Variants in ZNF197 observed in about 807,000 individuals in gnomAD.
ZNF197 encodes the protein zinc finger protein 197, also known as VHL-associated KRAB-A domain-containing protein.
Under a neutral mutation model 27.4 loss-of-function variants are expected in ZNF197, and 14 were observed. The ratio of observed to expected loss-of-function variants is 0.51; its 90% CI spans 0.34 to 0.80. The LOEUF is 0.80. ZNF197 is among the 30% of genes least tolerant of loss of function. ZNF197 has a pLI of 0.02. For synonymous variants in ZNF197, 415 were observed against 420.0 expected (o/e 0.99, Z 0.15); for missense variants, 1,090 against 1,222.6 (o/e 0.89, Z 1.62).
In ZNF197 at chr3:44,631,224, A is replaced by G; in HGVS notation, c.550+3A>G. 1 of 1,613,848 alleles carries G rather than the reference A, an allele frequency of 6.2e-7. No homozygotes were observed. The highest frequency in any genetic ancestry group is 1.1e-5 in the South Asian group (1 of 91,062). ...CAACCTCCAGGATCCTCAGCATGGT[A>G]TTTACTCAGTGCTCTGGGTTTTGGG... is the stretch of plus-strand genomic sequence containing the variant. On this transcript the variant is annotated splice_donor_region_variant and intron_variant, in intron 3 of 5. Transcript: ENST00000344387.
chr3:44,641,876 T>C, intron 5 of ZNF197, 24 bp from the exon 6 acceptor site: 1 of 1,547,936 alleles, frequency 6.5e-7, no homozygotes, highest in South Asian at 1.3e-5. Flanking sequence ...TGGTAACATT[T>C]GCATTTTTAA....
intron 5 of ZNF197, among the ~76,000 whole-genome samples, chr3:44,637,693 C>G (rs1702375637): frequency 6.6e-6 from 1 of 151,966 alleles, no homozygotes; most frequent in Admixed American, 6.6e-5. Flanking sequence ...ACCATTTATC[C>G]CAGGCACCAT....
At chr3:44,628,257 G>C (rs1313800049) in intron 1 of ZNF197, among the ~76,000 whole-genome samples, 1 of 152,114 alleles carries the variant, frequency 6.6e-6, no homozygotes, top group Non-Finnish European at 1.5e-5. Context: ...GGTTTTGTGT[G>C]TTTTCTGGTT....
In ZNF197 at chr3:44,644,844, A is replaced by C. The variant is rs537204039; in HGVS notation, c.*624A>C. The C allele has an allele frequency of 2.5e-5, 24 of 961,076 alleles. No homozygotes were observed. The highest frequency in any genetic ancestry group is 1.1e-3 in the Middle Eastern group (2 of 1,850). 59.5% of individuals were successfully genotyped at this position (961,076 alleles called of 1,614,324 possible). On this transcript the variant is annotated 3_prime_UTR_variant, in exon 6 of 6. Coordinates refer to ENST00000344387, the MANE Select transcript of ZNF197 (RefSeq NM_006991.5). Reference sequence around the variant, plus strand: ...AGACAAGCCTGGGTAACACGGGGAGACCCGTCTTTAGTAAATAAAAATAAA... The same window carrying C: ...AGACAAGCCTGGGTAACACGGGGAGCCCCGTCTTTAGTAAATAAAAATAAA...
Position 44,646,583 on chromosome 3 carries a change from C to G in ZNF197, c.*2363C>G. 1.1e-6 allele frequency: 1 copy of G among 942,154 alleles called. No homozygotes were observed. The highest frequency in any genetic ancestry group is 1.7e-6 in the Non-Finnish European group (1 of 572,072). The allele number at this position is 942,154 out of a possible 1,614,324, so 58.4% of individuals were successfully genotyped here. ...GTGGAATATTGCATAAGAAAGCTGC[C>G]CTGGATTCTTCAAAATATTATTATG... On this transcript the variant is annotated 3_prime_UTR_variant, in exon 6 of 6. Transcript: ENST00000344387.
At chr3:44,632,014 A>T in intron 3 of ZNF197, 91 bp from the exon 4 acceptor site, 1 of 1,156,222 alleles carries the variant, frequency 8.6e-7, no homozygotes, top group Non-Finnish European at 1.3e-6. Context: ...TATCATTCTT[A>T]CTGCTACTCT....
At position 44,643,051 on chromosome 3, in the gene ZNF197, CAG is replaced by C. The variant is rs1171065320; in HGVS notation, c.1925_1926del (p.Arg642ThrfsTer9). On this transcript the variant is annotated frameshift_variant, in exon 6 of 6. Transcript: ENST00000344387. LOFTEE classifies it low-confidence loss of function (END_TRUNC). Reference protein sequence around the residue: ...FTQSAYLFDHQRLHNGEKPYE... With the variant: ...FTQSAYLFDHXRLHNGEKPYE... Reference sequence around the variant, plus strand: ...TCAAAGTGCTTACCTTTTTGACCACCAGAGACTCCACAATGGGGAGAAGCCCT... The same window carrying C: ...TCAAAGTGCTTACCTTTTTGACCACCAGACTCCACAATGGGGAGAAGCCCT... The C allele has an allele frequency of 6.2e-7, 1 of 1,614,038 alleles. No individual in the cohort carries two copies. The highest frequency in any genetic ancestry group is 2.2e-5 in the East Asian group (1 of 44,872).
At chr3:44,632,721 C>T (rs1702081792) in intron 5 of ZNF197, 122 bp downstream of exon 5, 1 of 1,176,662 alleles carries the variant, frequency 8.5e-7, no homozygotes, top group Admixed American at 2.9e-5. Context: ...AGAAAAAAAC[C>T]TTCCTTAACA....
intron 2 of ZNF197, chr3:44,630,738 A>C (rs1701941007): frequency 2.2e-6 from 1 of 451,096 alleles, no homozygotes; most frequent in African/African-American, 2.0e-5. Context: ...CCGATCTAAA[A>C]CTTAAGTCTG....
In ZNF197 at chr3:44,645,095, C is replaced by CGAAA. The variant is rs1702882798; in HGVS notation, c.*875_*876insGAAA. The stretch of plus-strand genomic sequence containing the variant: ...GACCTACCTTTGATTCCTGGCTTTC[C>CGAAA]CTTAATGGCCATGTGATGTTATTAA... On this transcript the variant is annotated 3_prime_UTR_variant, in exon 6 of 6. Transcript: ENST00000344387. 1.0e-6 allele frequency: 1 copy of CGAAA among 980,546 alleles called. No homozygotes were observed. Among genetic ancestry groups the CGAAA allele is most frequent in the African/African-American group, 1.8e-5 (1 of 57,068 alleles). 60.7% of individuals were successfully genotyped at this position (980,546 alleles called of 1,614,324 possible). A position where few individuals can be genotyped will look rare whatever the true frequency, so the allele number is the denominator to read the frequency against.
In ZNF197 at chr3:44,642,058, T is replaced by A. The variant is rs1702635531; in HGVS notation, c.928T>A (p.Trp310Arg). Residue 310 changes from tryptophan (W) to arginine (R), a missense_variant, in exon 6 of 6, where the codon TGG becomes AGG. By Grantham distance (101) the Trp-to-Arg change is moderately radical. Coordinates refer to ENST00000344387, the MANE Select transcript of ZNF197 (RefSeq NM_006991.5). ...TGAATGGCAAGTTTTGGCAAGTCAG[T>A]GGGGAAATGAAACAGATGAAAGGGC... is the stretch of plus-strand genomic sequence containing the variant. ...ECEWQVLASQWGNETDERADT... is the reference protein window; with the variant it reads ...ECEWQVLASQRGNETDERADT... 11 of 1,614,010 alleles carry A rather than the reference T, an allele frequency of 6.8e-6. No homozygotes were observed. The highest frequency in any genetic ancestry group is 9.3e-6 in the Non-Finnish European group (11 of 1,179,984).
intron 3 of ZNF197, among the ~76,000 whole-genome samples, chr3:44,631,699 C>T (rs1702013953): frequency 6.7e-6 from 1 of 150,054 alleles, no homozygotes. Context: ...CTGCACCCGG[C>T]CATTTTTGTT....
rs1373165285 is a variant in ZNF197 at position 44,644,880 on chromosome 3, A to C, written c.*660A>C. 3.1e-6 allele frequency: 3 copies of C among 966,044 alleles called. No homozygotes were observed. The African/African-American group carries it at 5.3e-5, about 17-fold the overall frequency. The allele number at this position is 966,044 out of a possible 1,614,324, so 59.8% of individuals were successfully genotyped here. ...GTAAATAAAAATAAATTTATTAATA[A>C]AACTAAAAATTTAATAATAAAAAGT... is the stretch of plus-strand genomic sequence containing the variant. On this transcript the variant is annotated 3_prime_UTR_variant, in exon 6 of 6. Transcript: ENST00000344387.
chr3:44,640,763 G>A lies in ZNF197; in HGVS notation c.770-1137G>A, dbSNP rs1702555093. 6.6e-6 allele frequency among the ~76,000 whole-genome samples: 1 copy of A among 152,216 alleles called. No homozygotes were observed. Among genetic ancestry groups the A allele is most frequent in the African/African-American group, 2.4e-5 (1 of 41,446 alleles). ...CTTAAGACACATACCCATCCCTGCA[G>A]CCAGGTGGTTGGGTAGTGTGACTGG... On this transcript the variant is annotated intron_variant, in intron 5 of 5. Coordinates refer to ENST00000344387, the MANE Select transcript of ZNF197 (RefSeq NM_006991.5). The surrounding 1 kb of genome is among the most constrained non-coding windows in gnomAD (Gnocchi z 4.0).
chr3:44,643,907 G>A lies in ZNF197; in HGVS notation c.2777G>A (p.Gly926Glu), dbSNP rs1702788003. The change falls in exon 6 of 6, where the codon GGG (glycine) becomes GAG (glutamate). Residue 926 changes from glycine to glutamate, a missense_variant. By Grantham distance (98) the Gly-to-Glu change is moderately conservative. Transcript: ENST00000344387. ...NLVVHQRMHT[G>E]EKPYECDKCR... is the part of the protein sequence containing the mutation. ...GTTGTACATCAGAGAATGCACACTG[G>A]GGAAAAACCTTATGAGTGTGACAAG... The A allele has an allele frequency of 6.2e-7, 1 of 1,613,820 alleles. No individual in the cohort carries two copies.
intron 5 of ZNF197, among the ~76,000 whole-genome samples, chr3:44,633,804 G>T (rs2125804830): frequency 6.6e-6 from 1 of 152,140 alleles, no homozygotes; most frequent in East Asian, 1.9e-4. Context: ...CATATTTCTG[G>T]TAATATTTAT....
intron 1 of ZNF197, among the ~76,000 whole-genome samples, chr3:44,625,874 G>C (rs1344953646): frequency 6.6e-6 from 1 of 152,006 alleles, no homozygotes; most frequent in African/African-American, 2.4e-5. Context: ...ACTGGTGTTT[G>C]GAAACTGTTG....
At chr3:44,627,549 A>G (rs1701742988) in intron 1 of ZNF197, among the ~76,000 whole-genome samples, 1 of 152,098 alleles carries the variant, frequency 6.6e-6, no homozygotes, top group Non-Finnish European at 1.5e-5. Context: ...AGTACCTTTC[A>G]TGGCTGGGTA....
In ZNF197 at chr3:44,642,291, C is replaced by G. The variant is rs772508103; in HGVS notation, c.1161C>G (p.Asn387Lys). 37 of 1,613,914 alleles carry G rather than the reference C, an allele frequency of 2.3e-5. No individual in the cohort carries two copies. Among genetic ancestry groups the G allele is most frequent in the Admixed American group, 1.7e-5 (1 of 59,980 alleles). Residue 387 changes from asparagine to lysine, a missense_variant, in exon 6 of 6, where the codon AAC (asparagine) becomes AAG (lysine). Physicochemically the swap from Asn to Lys is moderately conservative, Grantham distance 94 (BLOSUM62 0). Coordinates refer to ENST00000344387, the MANE Select transcript of ZNF197 (RefSeq NM_006991.5). ...TTAATAAAATCTCCCATCTTATAAA[C>G]CATCGGAGAATCCACACTGGTGAGA... ...KHFNKISHLI[N>K]HRRIHTGEKP...
Sources: gnomAD v4.1 joint callset for allele counts (sites outside exome capture counted in the v4.1 genomes callset) on GRCh38, gnomAD v4.1.1 for gene constraint, Gnocchi (gnomAD v3.1) non-coding constraint, MANE v1.5 for transcripts, NCBI Gene and HGNC (gene_info 2026-07-23, HGNC 2026-07-21) for gene names.